The following MAP4K5 variants were observed in gnomAD, a reference collection of about 807,000 sequenced individuals.
MAP4K5 encodes the protein MAPK/ERK kinase kinase kinase 5.
A neutral mutation model predicts 135.6 loss-of-function variants in MAP4K5; 82 were observed. The observed-to-expected ratio is 0.60, with a 90% CI of 0.51 to 0.73. MAP4K5 has a LOEUF of 0.73. Ranked by LOEUF, MAP4K5 falls within the 30% of genes least tolerant of loss-of-function variation. The probability of loss-of-function intolerance (pLI) is 0.00; values close to 1 mark genes in which losing one functional copy is unlikely to be tolerated. For missense variants in MAP4K5, 907 were observed against 1,010.9 expected (o/e 0.90, Z 1.39); for synonymous variants, 347 against 335.0 (o/e 1.04, Z -0.39).
At chr14:50,431,906 C>T (rs1411301083) in intron 28 of MAP4K5, among the ~76,000 whole-genome samples, 1 of 152,190 alleles carries the variant, frequency 6.6e-6, no homozygotes, top group Admixed American at 6.5e-5. Flanking sequence ...CTTTGGGAAG[C>T]CTATGCATTG....
intron 2 of MAP4K5, among the ~76,000 whole-genome samples, chr14:50,516,991 T>C (rs2038046708): frequency 6.6e-6 from 1 of 152,162 alleles, no homozygotes. Flanking sequence ...CAATATGCCA[T>C]GCCATATAAA....
chr14:50,533,467 A>G (rs759499217), upstream of MAP4K5: 13 of 152,338 alleles, frequency 8.5e-5, no homozygotes, highest in Non-Finnish European at 1.3e-4. Flanking sequence ...ATACTTAACA[A>G]TGCACAGCAT....
chr14:50,444,994 A>G (rs1042350842), intron 18 of MAP4K5, 47 bp downstream of exon 18: 2 of 1,552,646 alleles, frequency 1.3e-6, no homozygotes, highest in Non-Finnish European at 1.7e-6. Flanking sequence ...CCAGATAACA[A>G]TATCTAGCCA....
chr14:50,496,675 A>G (rs1490108185), intron 3 of MAP4K5, among the ~76,000 whole-genome samples: 1 of 151,770 alleles, frequency 6.6e-6, no homozygotes, highest in Non-Finnish European at 1.5e-5. Context: ...TGCTCTGCTA[A>G]TTTTTAAAAA....
At position 50,421,870 on chromosome 14, in the gene MAP4K5, A is replaced by G. The variant is rs1243171559; in HGVS notation, c.2453+1251T>C. Among the ~76,000 whole-genome samples the G allele has an allele frequency of 2.0e-5, 3 of 147,142 alleles. No individual in the cohort carries two copies. The East Asian group carries it at 6.3e-4, about 31-fold the overall frequency. ...GTTTCATTAAAGGATTATCTACACC[A>G]GGATCAATGGATGATCCACAATTCT... is the stretch of plus-strand genomic sequence containing the variant. On this transcript the variant is annotated intron_variant, in intron 32 of 32. Transcript: ENST00000682126.
chr14:50,448,287 T>C (rs916518179), intron 15 of MAP4K5, among the ~76,000 whole-genome samples: 15 of 152,132 alleles, frequency 9.9e-5, no homozygotes, highest in Non-Finnish European at 2.1e-4. Flanking sequence ...AGTACTGAGA[T>C]TACAGGAGTT....
intron 1 of MAP4K5, among the ~76,000 whole-genome samples, chr14:50,554,572 A>G (rs899208516): frequency 3.3e-5 from 5 of 152,232 alleles, no homozygotes; most frequent in African/African-American, 1.2e-4. Context: ...CGGGGCAGTG[A>G]GCCAAGACCA....
At chr14:50,448,714 C>G in intron 15 of MAP4K5, 60 bp downstream of exon 15, 2 of 995,080 alleles carry the variant, frequency 2.0e-6, no homozygotes, top group South Asian at 1.6e-5. Flanking sequence ...GTACAACTAA[C>G]AAAAAAAAAG....
chr14:50,478,403 T>C (rs997532852), intron 6 of MAP4K5, among the ~76,000 whole-genome samples: 1 of 152,108 alleles, frequency 6.6e-6, no homozygotes, highest in African/African-American at 2.4e-5. Context: ...TCCTTTCCAT[T>C]TCGTTTATTT....
At chr14:50,554,075 T>C (rs2038736548) in intron 1 of MAP4K5, among the ~76,000 whole-genome samples, 1 of 151,860 alleles carries the variant, frequency 6.6e-6, no homozygotes, top group East Asian at 1.9e-4. Flanking sequence ...ACAAAAAAAA[T>C]CTGTTCCCCA....
chr14:50,553,907 T>G (rs1214172204), intron 1 of MAP4K5, among the ~76,000 whole-genome samples: 1 of 152,100 alleles, frequency 6.6e-6, no homozygotes, highest in African/African-American at 2.4e-5. Flanking sequence ...GCTATGAGGA[T>G]GCAAAGGCAT....
chr14:50,466,728 A>G lies in MAP4K5; in HGVS notation c.675-83T>C, dbSNP rs965719656. On this transcript the variant is annotated intron_variant, in intron 10 of 32. Coordinates refer to ENST00000682126, the MANE Select transcript of MAP4K5 (RefSeq NM_006575.6). ...AAAGAATATTCTGTAATGAATTTAT[A>G]CAAGACTACCACATAAGTGGACAAT... The G allele has an allele frequency of 1.1e-4, 74 of 678,570 alleles. No individual in the cohort carries two copies. In the Middle Eastern group the frequency reaches 1.2e-3, roughly 11 times the overall value. 42.0% of individuals were successfully genotyped at this position (678,570 alleles called of 1,614,324 possible).
chr14:50,554,243 G>A (rs2038738615), intron 1 of MAP4K5, among the ~76,000 whole-genome samples: 1 of 152,048 alleles, frequency 6.6e-6, no homozygotes, highest in African/African-American at 2.4e-5. Flanking sequence ...TATATAACCC[G>A]ATTAAGCTTC....
intron 2 of MAP4K5, among the ~76,000 whole-genome samples, chr14:50,510,002 A>G (rs1022500604): frequency 3.3e-5 from 5 of 152,230 alleles, no homozygotes; most frequent in African/African-American, 1.2e-4. Flanking sequence ...CATTTCAGGT[A>G]AAGAATACAA....
chr14:50,493,094 C>G (rs1431683422), intron 3 of MAP4K5, among the ~76,000 whole-genome samples: 1 of 151,540 alleles, frequency 6.6e-6, no homozygotes, highest in Non-Finnish European at 1.5e-5. Context: ...CCAGAGACAC[C>G]CACTGTTAGC....
rs1043506452 is a variant in MAP4K5, at chr14:50,486,130, G to T, written c.231C>A (p.Ile77=). 1.4e-6 allele frequency: 2 copies of T among 1,404,270 alleles called. No homozygotes were observed. The highest frequency in any genetic ancestry group is 1.4e-5 in the African/African-American group (1 of 69,120). 87.0% of individuals were successfully genotyped at this position (1,404,270 alleles called of 1,614,324 possible). ...FMVKECKHCN[I]VAYFGSYLSR... is the part of the protein sequence containing the mutation. ...TAAGATAACTCCCAAAGTAGGCAAC[G>T]ATGTTACAATGTTTACATTCTTTAA... Residue 77 remains isoleucine (I), a synonymous_variant, in exon 4 of 33, where the codon ATC becomes ATA. Coordinates refer to ENST00000682126, the MANE Select transcript of MAP4K5 (RefSeq NM_006575.6).
intron 1 of MAP4K5, among the ~76,000 whole-genome samples, chr14:50,555,484 G>A (rs1269988270): frequency 6.6e-6 from 1 of 152,008 alleles, no homozygotes; most frequent in African/African-American, 2.4e-5. Context: ...GGGTTTCACC[G>A]TGTTGCCCAG....
intron 1 of MAP4K5, among the ~76,000 whole-genome samples, chr14:50,542,965 T>C (rs958574611): frequency 1.3e-5 from 2 of 152,188 alleles, no homozygotes; most frequent in Non-Finnish European, 2.9e-5. Context: ...GGAAGAAGAT[T>C]TGAGATAAGG....
chr14:50,509,798 C>A (rs1374115619), intron 2 of MAP4K5, among the ~76,000 whole-genome samples: 1 of 152,048 alleles, frequency 6.6e-6, no homozygotes. Flanking sequence ...CCCTATCCAC[C>A]TAAGAGATCA....
Sources: gnomAD v4.1 joint callset for allele counts (sites outside exome capture counted in the v4.1 genomes callset) on GRCh38, gnomAD v4.1.1 for gene constraint, MANE v1.5 for transcripts, NCBI Gene and HGNC (gene_info 2026-07-23, HGNC 2026-07-21) for gene names.